Variants in IL1RAPL1 observed in about 807,000 individuals in gnomAD.
IL1RAPL1 encodes interleukin 1 receptor accessory protein like 1.
In IL1RAPL1, 3 loss-of-function variants were observed where a neutral mutation model predicts 48.4. That is an observed-to-expected ratio of 0.06 (90% CI 0.03 to 0.16). The LOEUF is 0.16. IL1RAPL1 is among the 10% of genes least tolerant of loss of function. The pLI, the probability that IL1RAPL1 is intolerant of heterozygous loss-of-function variation, is 1.00. For missense variants in IL1RAPL1, 349 were observed against 530.6 expected (o/e 0.66, Z 3.36); for synonymous variants, 185 against 187.7 (o/e 0.99, Z 0.12).
chrX:29,370,998 T>C (rs1362173720), intron 3 of IL1RAPL1, among the ~76,000 whole-genome samples: 1 of 110,340 alleles, frequency 9.1e-6, no homozygotes, highest in Non-Finnish European at 1.9e-5. Flanking sequence ...ACATTTATCA[T>C]TTCCTGTGTT....
intron 5 of IL1RAPL1, among the ~76,000 whole-genome samples, chrX:29,469,412 A>G (rs775907261): frequency 1.8e-5 from 2 of 112,081 alleles, no homozygotes; most frequent in African/African-American, 6.5e-5. Context: ...ATGTACATAT[A>G]TATTGTAGCT....
At chrX:29,917,988 T>A (rs905723139) in intron 7 of IL1RAPL1, among the ~76,000 whole-genome samples, 7 of 101,186 alleles carry the variant, frequency 6.9e-5, no homozygotes, top group Non-Finnish European at 1.4e-4. Context: ...CCAGGCATGG[T>A]GGTGCGTGCC....
intron 2 of IL1RAPL1, 141 bp downstream of exon 2, chrX:28,789,566 A>AGGT (rs1936511931): frequency 2.0e-6 from 1 of 496,106 alleles, no homozygotes; most frequent in African/African-American, 2.3e-5. Context: ...ATGAGTAAAT[A>AGGT]GGTGGAGCAC....
At chrX:29,057,459 C>T (rs1927243745) in intron 2 of IL1RAPL1, among the ~76,000 whole-genome samples, 3 of 105,781 alleles carry the variant, frequency 2.8e-5, no homozygotes, top group African/African-American at 6.9e-5. Context: ...GACAGAGTTT[C>T]GCTCGTCACC....
At chrX:29,736,354 T>C (rs1928044019) in intron 6 of IL1RAPL1, among the ~76,000 whole-genome samples, 1 of 110,887 alleles carries the variant, frequency 9.0e-6, no homozygotes, top group Non-Finnish European at 1.9e-5. Context: ...GCAAGAACCC[T>C]GTCTCAAAAA....
chrX:28,612,390 A>G (rs549892146), intron 1 of IL1RAPL1, among the ~76,000 whole-genome samples: 1 of 111,813 alleles, frequency 8.9e-6, no homozygotes, highest in South Asian at 3.8e-4. Context: ...GGTCCCAGGG[A>G]CCCCGGGCGG....
At chrX:29,803,111 GTATA>G (rs772610137) in intron 6 of IL1RAPL1, among the ~76,000 whole-genome samples, 1 of 89,438 alleles carries the variant, frequency 1.1e-5, no homozygotes, top group Admixed American at 1.3e-4. Flanking sequence ...ATACATATAT[GTATA>G]TATGTGTATA....
At chrX:28,722,500 A>G (rs747080306) in intron 1 of IL1RAPL1, among the ~76,000 whole-genome samples, 76 of 111,600 alleles carry the variant, frequency 6.8e-4, no homozygotes, top group African/African-American at 2.3e-3. Context: ...GGCTGAGACG[A>G]TGGGGTTTTC....
intron 1 of IL1RAPL1, among the ~76,000 whole-genome samples, chrX:28,687,173 C>T (rs1935119533): frequency 1.8e-5 from 2 of 111,278 alleles, no homozygotes; most frequent in African/African-American, 6.5e-5. Flanking sequence ...TGTCTACTAG[C>T]TAGAATACCA....
intron 1 of IL1RAPL1, among the ~76,000 whole-genome samples, chrX:28,678,643 T>A (rs1369299813): frequency 9.0e-6 from 1 of 111,650 alleles, no homozygotes; most frequent in African/African-American, 3.3e-5. Flanking sequence ...CTGCTGTATG[T>A]TAGGTACTGT....
chrX:28,730,551 A>C (rs1176722801), intron 1 of IL1RAPL1, among the ~76,000 whole-genome samples: 1 of 111,798 alleles, frequency 8.9e-6, no homozygotes, highest in African/African-American at 3.2e-5. Flanking sequence ...CAATAAAAAA[A>C]CTAATAATAT....
At chrX:29,704,917 T>A (rs1299495708) in intron 6 of IL1RAPL1, among the ~76,000 whole-genome samples, 7 of 111,589 alleles carry the variant, frequency 6.3e-5, no homozygotes, top group Admixed American at 3.8e-4. Context: ...TCAATTTTTT[T>A]AATTTTTTTA....
intron 5 of IL1RAPL1, among the ~76,000 whole-genome samples, chrX:29,650,105 A>G (rs1390391961): frequency 8.9e-6 from 1 of 111,998 alleles, no homozygotes; most frequent in Non-Finnish European, 1.9e-5. Flanking sequence ...CATTTTACAG[A>G]ATCTTGATGA....
At position 28,761,917 on chromosome X, in the gene IL1RAPL1, C is replaced by T. The variant is rs1051820293; in HGVS notation, c.-24-27403C>T. 5.7e-4 allele frequency among the ~76,000 whole-genome samples: 64 copies of T among 111,926 alleles called. 1 individual carries two copies. Among genetic ancestry groups the T allele is most frequent in the African/African-American group, 1.8e-3 (55 of 30,867 alleles). ...GTTTGAATCCTGGCTCTCCGGCTTA[C>T]TAACAAGTTACCTTACATCTCTAAA... On this transcript the variant is annotated intron_variant, in intron 1 of 10. Coordinates refer to ENST00000378993, the MANE Select transcript of IL1RAPL1 (RefSeq NM_014271.4).
intron 2 of IL1RAPL1, among the ~76,000 whole-genome samples, chrX:29,060,291 A>C (rs1200249813): frequency 8.9e-6 from 1 of 111,955 alleles, no homozygotes; most frequent in Non-Finnish European, 1.9e-5. Flanking sequence ...TCATTTCATT[A>C]TCATTTTAGG....
chrX:29,852,149 C>T (rs1383804376), intron 6 of IL1RAPL1, among the ~76,000 whole-genome samples: 2 of 112,480 alleles, frequency 1.8e-5, no homozygotes, highest in Admixed American at 9.4e-5. Context: ...AATGTTAAGC[C>T]AACTTGCCAG....
At chrX:29,291,671 T>C (rs1268126098) in intron 3 of IL1RAPL1, among the ~76,000 whole-genome samples, 5 of 111,572 alleles carry the variant, frequency 4.5e-5, no homozygotes, top group Non-Finnish European at 9.4e-5. Flanking sequence ...CTGGAAGTGG[T>C]TCTCTGATAT....
intron 2 of IL1RAPL1, among the ~76,000 whole-genome samples, chrX:29,079,685 A>C (rs1927758062): frequency 1.8e-5 from 2 of 109,448 alleles, no homozygotes; most frequent in Admixed American, 2.0e-4. Context: ...AAGCACTATC[A>C]GAGGAGAATG....
intron 3 of IL1RAPL1, among the ~76,000 whole-genome samples, chrX:29,391,564 A>T (rs1273738713): frequency 9.0e-6 from 1 of 111,405 alleles, no homozygotes; most frequent in East Asian, 2.8e-4. Flanking sequence ...TTTTCAAAAA[A>T]ATCAAGTTAG....
Sources: allele counts gnomAD v4.1 joint callset (sites outside exome capture counted in the v4.1 genomes callset), GRCh38; gene constraint gnomAD v4.1.1; transcripts MANE v1.5; gene names NCBI Gene and HGNC (gene_info 2026-07-23, HGNC 2026-07-21).